The following NCOA2 variants were observed in gnomAD, a reference collection of about 807,000 sequenced individuals.
NCOA2 encodes the protein nuclear receptor coactivator 2, also known as class E basic helix-loop-helix protein 75.
NCOA2 carries 21 observed loss-of-function variants against 145.1 expected under a neutral mutation model. The ratio of observed to expected loss-of-function variants is 0.14; its 90% CI spans 0.10 to 0.21. The LOEUF is 0.21. Ranked by LOEUF, NCOA2 falls within the 10% of genes least tolerant of loss-of-function variation. The probability of loss-of-function intolerance (pLI) is 1.00; values close to 1 mark genes in which losing one functional copy is unlikely to be tolerated. For synonymous variants in NCOA2, 619 were observed against 637.5 expected (o/e 0.97, Z 0.44); for missense variants, 1,472 against 1,837.6 (o/e 0.80, Z 3.64).
chr8:70,280,610 G>T (rs1825800558), intron 2 of NCOA2, among the ~76,000 whole-genome samples: 1 of 152,130 alleles, frequency 6.6e-6, no homozygotes, highest in Non-Finnish European at 1.5e-5. Flanking sequence ...TTACAAAATT[G>T]AGTGTTAATC....
At chr8:70,386,988 G>C (rs1812729206) in intron 1 of NCOA2, among the ~76,000 whole-genome samples, 1 of 152,052 alleles carries the variant, frequency 6.6e-6, no homozygotes, top group Non-Finnish European at 1.5e-5. Flanking sequence ...ATGGCTTACT[G>C]CAAGCTCAAA....
intron 16 of NCOA2, among the ~76,000 whole-genome samples, chr8:70,131,574 G>A (rs979627390): frequency 6.6e-6 from 1 of 152,164 alleles, no homozygotes; most frequent in Non-Finnish European, 1.5e-5. Context: ...CGGACACCAG[G>A]TGAAATGGAC....
chr8:70,118,264 T>G (rs1173277186), intron 22 of NCOA2, among the ~76,000 whole-genome samples: 1 of 152,208 alleles, frequency 6.6e-6, no homozygotes, highest in Non-Finnish European at 1.5e-5. Flanking sequence ...CTGGCACTTT[T>G]GGGTTAAAAT....
chr8:70,137,157 A>G (rs969081727), intron 15 of NCOA2, among the ~76,000 whole-genome samples: 1 of 152,226 alleles, frequency 6.6e-6, no homozygotes, highest in Non-Finnish European at 1.5e-5. Context: ...CTCCTGCCTC[A>G]GCCTCCCGAG....
At chr8:70,175,096 A>G (rs1479248891) in intron 4 of NCOA2, among the ~76,000 whole-genome samples, 1 of 152,224 alleles carries the variant, frequency 6.6e-6, no homozygotes, top group African/African-American at 2.4e-5. Flanking sequence ...GGCTGCCCAG[A>G]AAATGAATTT....
At chr8:70,179,252 A>C (rs1232606640) in intron 4 of NCOA2, among the ~76,000 whole-genome samples, 5 of 152,230 alleles carry the variant, frequency 3.3e-5, no homozygotes, top group Non-Finnish European at 5.9e-5. Context: ...TAAAAAGAAA[A>C]AAATCAATAA....
At chr8:70,447,682 C>CTTTTTTTTTTTTTTTT in the NCOA2 span, among the ~76,000 whole-genome samples, 41 of 113,054 alleles carry the variant, frequency 3.6e-4, 1 homozygote, top group African/African-American at 7.8e-4. Flanking sequence ...TCTTTGTTTT[C>CTTTTTTTTTTTTTTTT]TTTTTTTTTT....
At chr8:70,264,302 G>A (rs1421904585) in intron 2 of NCOA2, among the ~76,000 whole-genome samples, 2 of 151,932 alleles carry the variant, frequency 1.3e-5, no homozygotes, top group Non-Finnish European at 2.9e-5. Context: ...AGGATCGCCT[G>A]AGGCCAAGAG....
intron 1 of NCOA2, among the ~76,000 whole-genome samples, chr8:70,301,050 G>C (rs1827450964): frequency 6.6e-6 from 1 of 152,140 alleles, no homozygotes; most frequent in Non-Finnish European, 1.5e-5. Context: ...GTCTGACTCT[G>C]GAGTTCATAC....
intron 2 of NCOA2, among the ~76,000 whole-genome samples, chr8:70,267,539 TG>T (rs1458115762): frequency 2.0e-5 from 3 of 151,914 alleles, no homozygotes; most frequent in Non-Finnish European, 4.4e-5. Flanking sequence ...CTGGGACTAC[TG>T]GCATACGTCA....
chr8:70,354,534 C>G (rs1217302150), intron 1 of NCOA2, among the ~76,000 whole-genome samples: 1 of 152,150 alleles, frequency 6.6e-6, no homozygotes, highest in African/African-American at 2.4e-5. Flanking sequence ...AATAACTATT[C>G]TACAGTCTGA....
intron 5 of NCOA2, among the ~76,000 whole-genome samples, chr8:70,174,170 G>A (rs532111039): frequency 2.7e-4 from 41 of 152,212 alleles, no homozygotes; most frequent in African/African-American, 9.4e-4. Context: ...TAATAAAATA[G>A]AAAAACTGTA....
At chr8:70,125,846 A>G (rs1808351137) in intron 19 of NCOA2, among the ~76,000 whole-genome samples, 1 of 152,200 alleles carries the variant, frequency 6.6e-6, no homozygotes, top group Admixed American at 6.5e-5. Flanking sequence ...AACTTTCAGC[A>G]CACTTTTCTA....
intron 1 of NCOA2, among the ~76,000 whole-genome samples, chr8:70,340,277 A>G (rs1808006580): frequency 6.6e-6 from 1 of 152,232 alleles, no homozygotes; most frequent in Non-Finnish European, 1.5e-5. Flanking sequence ...AAAAGTGGAC[A>G]AAGGACATGT....
intron 22 of NCOA2, among the ~76,000 whole-genome samples, chr8:70,117,179 C>T (rs1273832615): frequency 2.0e-5 from 3 of 152,248 alleles, no homozygotes; most frequent in Non-Finnish European, 2.9e-5. Context: ...CCGTGTGGCC[C>T]GCACCACAGG....
chr8:70,213,094 C>CAAAA (rs951962965), intron 4 of NCOA2, among the ~76,000 whole-genome samples: 8 of 77,682 alleles, frequency 1.0e-4, no homozygotes, highest in African/African-American at 3.4e-4. Context: ...AAAAAAACAC[C>CAAAA]AAAAAAAAAA....
At chr8:70,327,085 A>ATTAAGTATATTCTTGAAGT (rs1806655156) in intron 1 of NCOA2, among the ~76,000 whole-genome samples, 1 of 152,178 alleles carries the variant, frequency 6.6e-6, no homozygotes, top group African/African-American at 2.4e-5. Flanking sequence ...CATATTCAAG[A>ATTAAGTATATTCTTGAAGT]TTAAGTATAT....
intron 2 of NCOA2, among the ~76,000 whole-genome samples, chr8:70,279,084 C>T (rs567244946): frequency 2.1e-4 from 32 of 152,096 alleles, no homozygotes; most frequent in Non-Finnish European, 8.8e-5. Flanking sequence ...CTTGGATGAT[C>T]TCGCCTTACC....
At chr8:70,158,351 T>C (rs1404293102) in intron 10 of NCOA2, among the ~76,000 whole-genome samples, 1 of 152,252 alleles carries the variant, frequency 6.6e-6, no homozygotes, top group Non-Finnish European at 1.5e-5. Context: ...ATCATTTTCC[T>C]AAATATGTGC....
Sources: gnomAD v4.1 joint callset for allele counts (sites outside exome capture counted in the v4.1 genomes callset) on GRCh38, gnomAD v4.1.1 for gene constraint, MANE v1.5 for transcripts, NCBI Gene and HGNC (gene_info 2026-07-23, HGNC 2026-07-21) for gene names.